The following METTL16 variants were observed in gnomAD, a reference collection of about 807,000 sequenced individuals.
METTL16 encodes methyltransferase 16, RNA N6-adenosine, also known as RNA N(6)-adenosine-methyltransferase METTL16.
Under a neutral mutation model 57.9 loss-of-function variants are expected in METTL16, and 19 were observed. The observed-to-expected ratio is 0.33, with a 90% CI of 0.23 to 0.48. METTL16 has a LOEUF of 0.48. METTL16 is among the 20% of genes least tolerant of loss of function. The probability of loss-of-function intolerance (pLI) is 0.99; values close to 1 mark genes in which losing one functional copy is unlikely to be tolerated. For missense variants in METTL16, 434 were observed against 691.5 expected (o/e 0.63, Z 4.18); for synonymous variants, 246 against 255.6 (o/e 0.96, Z 0.36).
At chr17:2,462,949 C>T (rs946371309) in intron 6 of METTL16, among the ~76,000 whole-genome samples, 16 of 152,130 alleles carry the variant, frequency 1.1e-4, no homozygotes, top group Admixed American at 8.5e-4. Context: ...TTTGAACTAC[C>T]ATATTATCCA....
At chr17:2,481,784 T>C (rs939029221) in intron 2 of METTL16, among the ~76,000 whole-genome samples, 10 of 151,992 alleles carry the variant, frequency 6.6e-5, no homozygotes, top group African/African-American at 2.4e-4. Context: ...AATAGAAGGC[T>C]CACTATGTTC....
intron 8 of METTL16, among the ~76,000 whole-genome samples, chr17:2,430,478 G>A (rs7224953): frequency 4.1e-5 from 6 of 144,684 alleles, no homozygotes; most frequent in East Asian, 4.1e-4. Context: ...TGCAGTGGCG[G>A]GATCTCGGCT....
At position 2,419,695 on chromosome 17, in the gene METTL16, G is replaced by C. The variant is rs1445041339; in HGVS notation, c.*275C>G. On this transcript the variant is annotated 3_prime_UTR_variant, in exon 10 of 10. Transcript: ENST00000263092. ...CAGTCCAGAGCTGAGGGGCCAGCTTGAGCCAGCTTGCAATCCCTCGGGAGT... is the reference window on the plus strand; with the variant it reads ...CAGTCCAGAGCTGAGGGGCCAGCTTCAGCCAGCTTGCAATCCCTCGGGAGT... The C allele has an allele frequency of 6.5e-6, 4 of 616,918 alleles. No individual in the cohort carries two copies. The highest frequency in any genetic ancestry group is 9.1e-6 in the Non-Finnish European group (3 of 331,000). The allele number at this position is 616,918 out of a possible 1,614,324, so 38.2% of individuals were successfully genotyped here.
At chr17:2,486,242 G>GT (rs36036834) in intron 2 of METTL16, among the ~76,000 whole-genome samples, 142,415 of 152,042 alleles carry the variant, frequency 0.94, 66,836 homozygotes, top group African/African-American at 0.98. Context: ...GAAAGTGAAA[G>GT]AAAAACTATT....
At chr17:2,506,934 C>CA in intron 1 of METTL16, among the ~76,000 whole-genome samples, 1 of 151,814 alleles carries the variant, frequency 6.6e-6, no homozygotes, top group East Asian at 2.0e-4. Context: ...TCTGCCCGGC[C>CA]GCCCCGTCTG....
intron 8 of METTL16, among the ~76,000 whole-genome samples, chr17:2,425,196 T>C (rs184192071): frequency 6.1e-4 from 93 of 152,372 alleles, no homozygotes; most frequent in African/African-American, 1.9e-3. Flanking sequence ...CACTAGTACA[T>C]AGAAGCTGTC....
chr17:2,507,989 C>A (rs964095908), intron 1 of METTL16, among the ~76,000 whole-genome samples: 1 of 152,136 alleles, frequency 6.6e-6, no homozygotes. Context: ...ACAAACACTG[C>A]GGAAGGCCGC....
At chr17:2,464,466 T>C (rs1489503775) in intron 5 of METTL16, 116 bp from the exon 6 acceptor site, 13 of 964,106 alleles carry the variant, frequency 1.3e-5, no homozygotes, top group Non-Finnish European at 1.7e-5. Flanking sequence ...CCAAATAGTA[T>C]GCTAGATTTA....
chr17:2,423,261 GGTGTGTGTGTGT>G (rs58486923), intron 8 of METTL16, among the ~76,000 whole-genome samples: 3,144 of 143,680 alleles, frequency 0.022, 116 homozygotes, highest in African/African-American at 0.074. Context: ...AAAAACAAAG[GGTGTGTGTGTGT>G]GTGTGTGTGT....
intron 3 of METTL16, among the ~76,000 whole-genome samples, chr17:2,477,155 A>T (rs1447106133): frequency 6.6e-6 from 1 of 152,158 alleles, no homozygotes; most frequent in African/African-American, 2.4e-5. Flanking sequence ...AACCTGGGCA[A>T]CACGAGACCC....
chr17:2,423,261 GGTGTGTGTGTGTGTGTGT>G lies in METTL16; in HGVS notation c.889-2375_889-2358del, dbSNP rs58486923. Among the ~76,000 whole-genome samples, 495 of 143,706 alleles carry G rather than the reference GGTGTGTGTGTGTGTGTGT, an allele frequency of 3.4e-3. 6 individuals carry two copies. The highest frequency in any genetic ancestry group is 0.012 in the African/African-American group (470 of 39,514). The allele number at this position is 143,706 out of a possible 152,430, so 94.3% of individuals were successfully genotyped here. On this transcript the variant is annotated intron_variant, in intron 8 of 9. Coordinates refer to ENST00000263092, the MANE Select transcript of METTL16 (RefSeq NM_024086.4). ...TGTTAGGGAAGGATAAAAAACAAAG[GGTGTGTGTGTGTGTGTGT>G]GTGTGTGTGTGTGTGTGTGTGTGTT...
intron 1 of METTL16, among the ~76,000 whole-genome samples, chr17:2,506,035 T>C (rs559292870): frequency 9.2e-5 from 14 of 151,938 alleles, no homozygotes; most frequent in African/African-American, 3.4e-4. Flanking sequence ...TGGCGCAATC[T>C]TGGCTCACTG....
intron 8 of METTL16, among the ~76,000 whole-genome samples, chr17:2,426,728 C>CAAAAA (rs778818177): frequency 1.4e-4 from 5 of 35,130 alleles, no homozygotes; most frequent in Admixed American, 6.4e-4. Context: ...GACTCCGTCT[C>CAAAAA]AAAAAAAAAA....
In METTL16 at chr17:2,511,834, A is replaced by G. The variant is rs2067591714; in HGVS notation, c.-76T>C. ...AACCCTAGAATCTTAAAGCAGCCGC[A>G]TAGCGAAGCTCCTAGAAACGCAGAT... On this transcript the variant is annotated 5_prime_UTR_variant, in exon 1 of 10. It removes an upstream start codon present in the reference 5' UTR. Coordinates refer to ENST00000263092, the MANE Select transcript of METTL16 (RefSeq NM_024086.4). 2.5e-6 allele frequency: 1 copy of G among 398,660 alleles called. No individual in the cohort carries two copies. The highest frequency in any genetic ancestry group is 4.4e-6 in the Non-Finnish European group (1 of 226,100). 24.7% of individuals were successfully genotyped at this position (398,660 alleles called of 1,614,324 possible).
At position 2,494,884 on chromosome 17, in the gene METTL16, G is replaced by A. The variant is rs182298146; in HGVS notation, c.128+7320C>T. Among the ~76,000 whole-genome samples, 443 of 151,772 alleles carry A rather than the reference G, an allele frequency of 2.9e-3. 2 individuals carry two copies. Among genetic ancestry groups the A allele is most frequent in the Non-Finnish European group, 2.9e-3 (200 of 67,926 alleles). ...ATGGTGGCGTGCACCTGTAGTCCCA[G>A]ATACTCGAGAGGCTGAGGCAGAGGA... On this transcript the variant is annotated intron_variant, in intron 2 of 9. Coordinates refer to ENST00000263092, the MANE Select transcript of METTL16 (RefSeq NM_024086.4).
At chr17:2,423,828 G>A (rs2066787793) in intron 8 of METTL16, among the ~76,000 whole-genome samples, 1 of 152,162 alleles carries the variant, frequency 6.6e-6, no homozygotes, top group South Asian at 2.1e-4. Flanking sequence ...AGTAAGGACG[G>A]GCTTCATCAT....
intron 3 of METTL16, 154 bp downstream of exon 3, chr17:2,477,532 C>G (rs1191997425): frequency 3.2e-6 from 2 of 629,318 alleles, no homozygotes; most frequent in East Asian, 5.5e-5. Context: ...GATTTTGAAG[C>G]ATTTCGGATT....
chr17:2,501,381 A>C (rs138777288), intron 2 of METTL16, among the ~76,000 whole-genome samples: 2,616 of 152,276 alleles, frequency 0.017, 61 homozygotes, highest in African/African-American at 0.058. Flanking sequence ...ACAAGCTATG[A>C]CTGTGCCACT....
At chr17:2,448,803 A>T (rs12952043) in intron 6 of METTL16, among the ~76,000 whole-genome samples, 5,705 of 38,354 alleles carry the variant, frequency 0.15, 274 homozygotes, top group Non-Finnish European at 0.18. Flanking sequence ...AATAAAATTT[A>T]AAAAAAAAAA....
Sources: gnomAD v4.1 joint callset for allele counts (sites outside exome capture counted in the v4.1 genomes callset) on GRCh38, gnomAD v4.1.1 for gene constraint, MANE v1.5 for transcripts, NCBI Gene and HGNC (gene_info 2026-07-23, HGNC 2026-07-21) for gene names.